NEK7: variants seen among roughly 807,000 people sequenced by gnomAD.
NEK7 encodes NIMA related kinase 7.
NEK7 carries 18 observed loss-of-function variants against 44.6 expected under a neutral mutation model. The observed-to-expected ratio is 0.40, with a 90% CI of 0.28 to 0.60. NEK7 has a LOEUF of 0.60. NEK7 is among the 20% of genes least tolerant of loss of function. NEK7 has a pLI of 0.38. For synonymous variants in NEK7, 130 were observed against 121.1 expected, an observed-to-expected ratio of 1.07 and a Z score of -0.48; for missense variants, 256 against 366.5, an observed-to-expected ratio of 0.70 and a Z score of 2.46.
intron 6 of NEK7, 112 bp downstream of exon 6, chr1:198,278,181 C>G: frequency 3.2e-6 from 2 of 619,118 alleles, no homozygotes; most frequent in Non-Finnish European, 5.6e-6. Context: ...TAATTATTTT[C>G]AAATTATAAT....
intron 9 of NEK7, among the ~76,000 whole-genome samples, chr1:198,315,637 A>AGC (rs1655346645): frequency 6.6e-6 from 1 of 152,176 alleles, no homozygotes. Flanking sequence ...GTGTGGCAGG[A>AGC]GCAAACAAAA....
chr1:198,282,154 C>T (rs1377587037), intron 7 of NEK7, among the ~76,000 whole-genome samples: 2 of 152,096 alleles, frequency 1.3e-5, no homozygotes, highest in African/African-American at 4.8e-5. Context: ...TCAACAATTA[C>T]TTCACATTTG....
At chr1:198,308,698 A>G (rs777012435) in intron 9 of NEK7, among the ~76,000 whole-genome samples, 2 of 152,144 alleles carry the variant, frequency 1.3e-5, no homozygotes, top group Non-Finnish European at 2.9e-5. Context: ...TCAAACCCTT[A>G]AATCTTTCTT....
chr1:198,205,043 C>G (rs973912911), intron 1 of NEK7, among the ~76,000 whole-genome samples: 10 of 152,032 alleles, frequency 6.6e-5, no homozygotes, highest in South Asian at 2.1e-4. Context: ...CCCCGTCCCC[C>G]CTTCCTTCTT....
At chr1:198,191,492 G>A (rs983956502) in intron 1 of NEK7, among the ~76,000 whole-genome samples, 6 of 151,580 alleles carry the variant, frequency 4.0e-5, no homozygotes, top group Admixed American at 6.6e-5. Flanking sequence ...GTTGACTTTC[G>A]CGTATTGATT....
At chr1:198,264,910 G>T (rs1194936060) in intron 5 of NEK7, among the ~76,000 whole-genome samples, 2 of 151,964 alleles carry the variant, frequency 1.3e-5, no homozygotes, top group Non-Finnish European at 2.9e-5. Flanking sequence ...TTGTTGTAAT[G>T]ATTGAATTAA....
At chr1:198,276,782 A>G (rs555871751) in intron 5 of NEK7, among the ~76,000 whole-genome samples, 2 of 151,760 alleles carry the variant, frequency 1.3e-5, no homozygotes, top group Non-Finnish European at 3.0e-5. Context: ...TACCTTGAGT[A>G]CATATGAGAC....
chr1:198,218,809 C>T (rs1666000094), intron 1 of NEK7, among the ~76,000 whole-genome samples: 1 of 151,030 alleles, frequency 6.6e-6, no homozygotes, highest in African/African-American at 2.4e-5. Context: ...GAAAAAAATG[C>T]TCAACATCAC....
At chr1:198,198,270 C>T (rs1665305305) in intron 1 of NEK7, 1 of 502,174 alleles carries the variant, frequency 2.0e-6, no homozygotes, top group Admixed American at 3.5e-5. Flanking sequence ...GAAGGGAACC[C>T]CCCATGTGAC....
chr1:198,273,062 T>C (rs768540978), intron 5 of NEK7, among the ~76,000 whole-genome samples: 12 of 151,794 alleles, frequency 7.9e-5, no homozygotes, highest in Admixed American at 1.3e-4. Flanking sequence ...TGGGAATGAA[T>C]TGATTATATT....
intron 1 of NEK7, among the ~76,000 whole-genome samples, chr1:198,189,975 T>C (rs1665028029): frequency 6.6e-6 from 1 of 152,122 alleles, no homozygotes; most frequent in South Asian, 2.1e-4. Context: ...TAATTTGTAT[T>C]GCCATATAGG....
At chr1:198,225,840 T>C (rs1024636969) in intron 1 of NEK7, among the ~76,000 whole-genome samples, 3 of 151,782 alleles carry the variant, frequency 2.0e-5, no homozygotes, top group Non-Finnish European at 4.4e-5. Flanking sequence ...CTTTGGGGAG[T>C]TTTTTTTGTT....
chr1:198,225,483 G>A (rs1003172010), intron 1 of NEK7, among the ~76,000 whole-genome samples: 1 of 152,076 alleles, frequency 6.6e-6, no homozygotes, highest in African/African-American at 2.4e-5. Context: ...TTTCTTGCTT[G>A]TGGTTGTGCC....
At chr1:198,222,165 T>C (rs977615557) in intron 1 of NEK7, among the ~76,000 whole-genome samples, 3 of 152,118 alleles carry the variant, frequency 2.0e-5, no homozygotes, top group Non-Finnish European at 2.9e-5. Flanking sequence ...TATGTGACCA[T>C]ATGCAATAAT....
At chr1:198,216,402 G>A (rs1173200010) in intron 1 of NEK7, among the ~76,000 whole-genome samples, 1 of 151,892 alleles carries the variant, frequency 6.6e-6, no homozygotes, top group African/African-American at 2.4e-5. Flanking sequence ...AGTGGCACAA[G>A]TTATCAAAAT....
At chr1:198,181,410 A>G (rs953449295) in intron 1 of NEK7, among the ~76,000 whole-genome samples, 2 of 152,100 alleles carry the variant, frequency 1.3e-5, no homozygotes, top group African/African-American at 4.8e-5. Context: ...GTAAACTCTC[A>G]ATGTATACAG....
chr1:198,233,480 G>T (rs1043500911), intron 2 of NEK7, among the ~76,000 whole-genome samples: 1 of 152,078 alleles, frequency 6.6e-6, no homozygotes, highest in Non-Finnish European at 1.5e-5. Context: ...GGTGTTTGAG[G>T]CATTCTACAA....
At chr1:198,263,753 A>G (rs1653556052) in intron 4 of NEK7, among the ~76,000 whole-genome samples, 1 of 151,902 alleles carries the variant, frequency 6.6e-6, no homozygotes, top group African/African-American at 2.4e-5. Context: ...TACTTTATTT[A>G]TCATTGAGTG....
chr1:198,312,859 G>C (rs1430535715), intron 9 of NEK7, among the ~76,000 whole-genome samples: 12 of 152,138 alleles, frequency 7.9e-5, no homozygotes, highest in South Asian at 2.1e-4. Flanking sequence ...TTACTTCCAA[G>C]TATGTGGTCA....
Sources: allele counts gnomAD v4.1 joint callset (sites outside exome capture counted in the v4.1 genomes callset), GRCh38; gene constraint gnomAD v4.1.1; transcripts MANE v1.5; gene names NCBI Gene and HGNC (gene_info 2026-07-23, HGNC 2026-07-21).